TASP1: variants seen among roughly 807,000 people sequenced by gnomAD.
TASP1 encodes threonine aspartase 1.
Under a neutral mutation model 56.6 loss-of-function variants are expected in TASP1, and 16 were observed. The ratio of observed to expected loss-of-function variants is 0.28; its 90% CI spans 0.19 to 0.43. The LOEUF is 0.43. TASP1 is among the 20% of genes least tolerant of loss of function. TASP1 has a pLI of 1.00. For synonymous variants in TASP1, 179 were observed against 184.2 expected (o/e 0.97, Z 0.23); for missense variants, 393 against 511.6 (o/e 0.77, Z 2.24).
chr20:13,400,170 C>T (rs576073364), intron 13 of TASP1, among the ~76,000 whole-genome samples: 1 of 152,232 alleles, frequency 6.6e-6, no homozygotes, highest in South Asian at 2.1e-4. Context: ...GGATTCTTGT[C>T]GCTTGGTTCA....
chr20:13,443,025 G>C (rs189658744), intron 11 of TASP1, among the ~76,000 whole-genome samples: 5 of 152,288 alleles, frequency 3.3e-5, no homozygotes, highest in Non-Finnish European at 7.4e-5. Flanking sequence ...TGTGAGGACT[G>C]AATTTGTATG....
chr20:13,174,079 G>A, the TASP1 span, among the ~76,000 whole-genome samples: 7 of 152,230 alleles, frequency 4.6e-5, no homozygotes, highest in South Asian at 2.1e-4. Context: ...CCCCAGTGCC[G>A]TTCTTCATTT....
At chr20:13,235,556 G>A in the TASP1 span, among the ~76,000 whole-genome samples, 1 of 152,198 alleles carries the variant, frequency 6.6e-6, no homozygotes, top group Admixed American at 6.5e-5. Context: ...GTGAGTCCCA[G>A]AGGGCCCTGC....
chr20:13,633,441 A>C (rs543306529), intron 1 of TASP1, among the ~76,000 whole-genome samples: 24 of 152,288 alleles, frequency 1.6e-4, no homozygotes, highest in South Asian at 1.0e-3. Flanking sequence ...ATTTTTATTA[A>C]TTTATTCATT....
chr20:13,304,405 T>C, the TASP1 span, among the ~76,000 whole-genome samples: 1 of 152,208 alleles, frequency 6.6e-6, no homozygotes, highest in African/African-American at 2.4e-5. Flanking sequence ...CATTGTACTA[T>C]AGTGCTAAGC....
the TASP1 span, among the ~76,000 whole-genome samples, chr20:13,372,070 A>C: frequency 8.7e-3 from 1,325 of 152,276 alleles, 32 homozygotes; most frequent in African/African-American, 0.03. Context: ...AGAGCATATA[A>C]TTGCATCTTG....
At chr20:13,587,166 A>G (rs1046607062) in intron 5 of TASP1, 84 bp downstream of exon 5, 8 of 1,460,132 alleles carry the variant, frequency 5.5e-6, no homozygotes, top group Non-Finnish European at 6.4e-6. Context: ...AGAAATGGTG[A>G]AAAAGACTGT....
chr20:13,547,234 T>C (rs1161598727), intron 8 of TASP1, among the ~76,000 whole-genome samples: 4 of 152,164 alleles, frequency 2.6e-5, no homozygotes, highest in Admixed American at 2.6e-4. Context: ...AAGCAGATAA[T>C]TCAATTCAAT....
chr20:13,127,730 G>A, the TASP1 span, among the ~76,000 whole-genome samples: 1 of 152,162 alleles, frequency 6.6e-6, no homozygotes, highest in Non-Finnish European at 1.5e-5. Context: ...TTGTTTGAAA[G>A]ACAAGACTTT....
chr20:13,634,728 CAA>C (rs559609508), intron 1 of TASP1, among the ~76,000 whole-genome samples: 66 of 53,380 alleles, frequency 1.2e-3, no homozygotes, highest in East Asian at 5.1e-3. Flanking sequence ...AAACTCCGTC[CAA>C]AAAAAAAAAA....
the TASP1 span, among the ~76,000 whole-genome samples, chr20:13,271,904 G>A: frequency 1.3e-4 from 19 of 151,840 alleles, 1 homozygote; most frequent in South Asian, 2.3e-3. Flanking sequence ...TCAGCCTCCC[G>A]AGTAGCTGGA....
intron 10 of TASP1, among the ~76,000 whole-genome samples, chr20:13,510,173 A>G (rs891014723): frequency 4.6e-5 from 7 of 152,218 alleles, no homozygotes; most frequent in African/African-American, 1.7e-4. Flanking sequence ...ATGAGGCTAA[A>G]TGAGCACATA....
intron 10 of TASP1, among the ~76,000 whole-genome samples, chr20:13,506,751 AAT>A (rs2044147188): frequency 6.6e-6 from 1 of 152,166 alleles, no homozygotes; most frequent in Non-Finnish European, 1.5e-5. Flanking sequence ...ACCTCAACAC[AAT>A]AAAGACCTCA....
chr20:13,559,162 T>C (rs905963687), intron 7 of TASP1, 48 bp from the exon 8 acceptor site: 1 of 1,205,602 alleles, frequency 8.3e-7, no homozygotes, highest in African/African-American at 1.6e-5. Context: ...TAAGAAATAT[T>C]AGGGCAATGG....
intron 4 of TASP1, among the ~76,000 whole-genome samples, chr20:13,620,640 A>G (rs2048680988): frequency 6.6e-6 from 1 of 152,244 alleles, no homozygotes; most frequent in Non-Finnish European, 1.5e-5. Context: ...AGAAAAGAAC[A>G]ATGACTGTTT....
the TASP1 span, among the ~76,000 whole-genome samples, chr20:13,325,204 C>T: frequency 3.9e-5 from 6 of 152,162 alleles, no homozygotes; most frequent in African/African-American, 9.7e-5. Flanking sequence ...TCCCTTCTCA[C>T]GAGAAACGCA....
At chr20:13,611,500 T>G (rs187274444) in intron 4 of TASP1, among the ~76,000 whole-genome samples, 1 of 152,340 alleles carries the variant, frequency 6.6e-6, no homozygotes, top group Non-Finnish European at 1.5e-5. Context: ...AGTTAATATT[T>G]AAGTCCAATT....
chr20:13,477,017 C>CT, intron 11 of TASP1, among the ~76,000 whole-genome samples: 1 of 152,184 alleles, frequency 6.6e-6, no homozygotes, highest in Admixed American at 6.5e-5. Flanking sequence ...GAAAAGAGAA[C>CT]ATTATATTTT....
At chr20:13,547,128 ACTGTGAT>A (rs2045836409) in intron 8 of TASP1, among the ~76,000 whole-genome samples, 1 of 152,196 alleles carries the variant, frequency 6.6e-6, no homozygotes, top group Non-Finnish European at 1.5e-5. Flanking sequence ...ATTTCTAGAG[ACTGTGAT>A]AAGGATAAAG....
Sources: gnomAD v4.1 joint callset for allele counts (sites outside exome capture counted in the v4.1 genomes callset) on GRCh38, gnomAD v4.1.1 for gene constraint, MANE v1.5 for transcripts, NCBI Gene and HGNC (gene_info 2026-07-23, HGNC 2026-07-21) for gene names.